Variants in PTPRT observed in about 807,000 individuals in gnomAD.
PTPRT encodes the protein protein tyrosine phosphatase receptor type T, also known as receptor-type tyrosine-protein phosphatase T.
A neutral mutation model predicts 176.8 loss-of-function variants in PTPRT; 56 were observed. The ratio of observed to expected loss-of-function variants is 0.32; its 90% CI spans 0.26 to 0.40. PTPRT has a LOEUF of 0.40. Among genes scored for constraint, PTPRT ranks in the 10% least tolerant of loss-of-function variants. The pLI is 1.00. For missense variants in PTPRT, 1,540 were observed against 1,908.2 expected (o/e 0.81, Z 3.60); for synonymous variants, 783 against 739.0 (o/e 1.06, Z -0.96).
At chr20:42,354,063 A>T (rs192111734) in intron 9 of PTPRT, among the ~76,000 whole-genome samples, 336 of 108,426 alleles carry the variant, frequency 3.1e-3, no homozygotes, top group Middle Eastern at 0.01. Context: ...CTAAAAAATT[A>T]AAAAAAAAAT....
intron 16 of PTPRT, among the ~76,000 whole-genome samples, chr20:42,188,532 A>T (rs529996635): frequency 6.6e-6 from 1 of 152,254 alleles, no homozygotes; most frequent in Non-Finnish European, 1.5e-5. Flanking sequence ...AGGCATAGAA[A>T]GTGCTTTGTC....
intron 6 of PTPRT, among the ~76,000 whole-genome samples, chr20:42,751,634 G>A (rs575646442): frequency 3.3e-5 from 5 of 152,240 alleles, no homozygotes; most frequent in African/African-American, 9.6e-5. Flanking sequence ...AGAAAAAGCC[G>A]GCAGAAGAAG....
At chr20:42,948,352 A>T (rs1981020037) in intron 1 of PTPRT, among the ~76,000 whole-genome samples, 1 of 152,176 alleles carries the variant, frequency 6.6e-6, no homozygotes, top group Non-Finnish European at 1.5e-5. Flanking sequence ...CATCCTCTGG[A>T]GAACTACCCC....
At chr20:42,822,950 T>C (rs1263089945) in intron 2 of PTPRT, among the ~76,000 whole-genome samples, 1 of 152,200 alleles carries the variant, frequency 6.6e-6, no homozygotes. Flanking sequence ...TTGGTAGGAA[T>C]GTAACAACCA....
intron 1 of PTPRT, among the ~76,000 whole-genome samples, chr20:43,070,119 T>C (rs1158964671): frequency 1.3e-5 from 2 of 152,176 alleles, no homozygotes; most frequent in Non-Finnish European, 2.9e-5. Flanking sequence ...TTTTTAAACA[T>C]CTGAATCTGC....
At chr20:42,186,434 G>A (rs1360733528) in intron 16 of PTPRT, among the ~76,000 whole-genome samples, 1 of 151,434 alleles carries the variant, frequency 6.6e-6, no homozygotes, top group Non-Finnish European at 1.5e-5. Context: ...CAGGACCTTT[G>A]ACCATGCCAT....
intron 1 of PTPRT, among the ~76,000 whole-genome samples, chr20:43,159,319 G>A (rs1460882355): frequency 2.4e-4 from 37 of 152,200 alleles, no homozygotes; most frequent in Non-Finnish European, 1.5e-5. Context: ...ATTGGAAGTC[G>A]GCTGGTGCAT....
At chr20:42,289,098 C>T (rs922063662) in intron 12 of PTPRT, among the ~76,000 whole-genome samples, 1 of 151,982 alleles carries the variant, frequency 6.6e-6, no homozygotes, top group Non-Finnish European at 1.5e-5. Context: ...AACTGGATCA[C>T]TACCTCTCAC....
At chr20:42,660,160 C>T (rs1052988351) in intron 7 of PTPRT, among the ~76,000 whole-genome samples, 4 of 152,144 alleles carry the variant, frequency 2.6e-5, no homozygotes, top group African/African-American at 7.2e-5. Context: ...GTGCTGGCCA[C>T]GTGGAAGGGG....
At chr20:43,018,683 G>A (rs1183577166) in intron 1 of PTPRT, among the ~76,000 whole-genome samples, 2 of 152,094 alleles carry the variant, frequency 1.3e-5, no homozygotes, top group Non-Finnish European at 2.9e-5. Context: ...CAGAAAATAT[G>A]AACAAAAGAT....
At chr20:42,840,811 C>G (rs918017516) in intron 2 of PTPRT, among the ~76,000 whole-genome samples, 1 of 152,162 alleles carries the variant, frequency 6.6e-6, no homozygotes, top group African/African-American at 2.4e-5. Context: ...CTCTGCCTGC[C>G]CATTGCCTGA....
chr20:42,667,016 A>C (rs1256824349), intron 7 of PTPRT, among the ~76,000 whole-genome samples: 1 of 152,186 alleles, frequency 6.6e-6, no homozygotes, highest in Non-Finnish European at 1.5e-5. Context: ...CTGATCAGTA[A>C]TGAAGGCTGA....
intron 1 of PTPRT, among the ~76,000 whole-genome samples, chr20:43,066,118 ACTCT>A (rs1013517875): frequency 4.0e-5 from 6 of 150,170 alleles, no homozygotes; most frequent in East Asian, 2.0e-4. Context: ...GCTCTTCCCA[ACTCT>A]CTCTCTCTCT....
At chr20:43,012,847 C>G (rs924722534) in intron 1 of PTPRT, among the ~76,000 whole-genome samples, 14 of 152,042 alleles carry the variant, frequency 9.2e-5, no homozygotes, top group African/African-American at 3.4e-4. Context: ...ATATCTCTTG[C>G]CTCCAGGTGG....
chr20:42,238,983 G>A (rs2056299064), intron 14 of PTPRT, among the ~76,000 whole-genome samples: 1 of 151,940 alleles, frequency 6.6e-6, no homozygotes, highest in Admixed American at 6.6e-5. Flanking sequence ...ACTCACATTA[G>A]ATATGATATG....
At chr20:43,011,441 G>T (rs1454771410) in intron 1 of PTPRT, among the ~76,000 whole-genome samples, 1 of 152,180 alleles carries the variant, frequency 6.6e-6, no homozygotes, top group African/African-American at 2.4e-5. Context: ...CTGGCCAGAA[G>T]TAAGACCCAC....
chr20:43,168,769 T>A (rs2014920597), intron 1 of PTPRT, among the ~76,000 whole-genome samples: 1 of 152,178 alleles, frequency 6.6e-6, no homozygotes, highest in African/African-American at 2.4e-5. Context: ...CCCCTTTTTA[T>A]GTATTTCCTC....
At chr20:42,200,294 A>G (rs1277095576) in intron 15 of PTPRT, among the ~76,000 whole-genome samples, 5 of 152,228 alleles carry the variant, frequency 3.3e-5, no homozygotes, top group Admixed American at 2.0e-4. Flanking sequence ...TCTTCTGTAT[A>G]CTGTGGCAGA....
chr20:42,350,478 T>C, intron 11 of PTPRT, 150 bp downstream of exon 11: 1 of 668,774 alleles, frequency 1.5e-6, no homozygotes, highest in Non-Finnish European at 2.6e-6. Flanking sequence ...CCCTTTGAAC[T>C]GGGCTTGGGG....
Sources: gnomAD v4.1 joint callset for allele counts (sites outside exome capture counted in the v4.1 genomes callset) on GRCh38, gnomAD v4.1.1 for gene constraint, MANE v1.5 for transcripts, NCBI Gene and HGNC (gene_info 2026-07-23, HGNC 2026-07-21) for gene names.